Variants in SLC25A13 observed in about 807,000 individuals in gnomAD.
The protein encoded by SLC25A13 is solute carrier family 25 member 13.
A neutral mutation model predicts 85.5 loss-of-function variants in SLC25A13; 70 were observed. The ratio of observed to expected loss-of-function variants is 0.82; its 90% CI spans 0.68 to 1.00. SLC25A13 has a LOEUF of 1.00. Among genes scored for constraint, SLC25A13 ranks in the 50% least tolerant of loss-of-function variants. SLC25A13 has a pLI of 0.00. For synonymous variants in SLC25A13, 259 were observed against 288.7 expected, an observed-to-expected ratio of 0.90 and a Z score of 1.04; for missense variants, 765 against 819.8, an observed-to-expected ratio of 0.93 and a Z score of 0.82.
At chr7:96,254,546 C>G (rs774087974) in intron 3 of SLC25A13, among the ~76,000 whole-genome samples, 2 of 152,144 alleles carry the variant, frequency 1.3e-5, no homozygotes, top group Non-Finnish European at 2.9e-5. Flanking sequence ...ATTTGTCTCT[C>G]TTTATATAAA....
intron 3 of SLC25A13, among the ~76,000 whole-genome samples, chr7:96,267,385 A>T (rs1382572810): frequency 6.6e-6 from 1 of 152,228 alleles, no homozygotes; most frequent in Non-Finnish European, 1.5e-5. Flanking sequence ...GGCAGAGAAC[A>T]TGCTTTATTT....
intron 4 of SLC25A13, among the ~76,000 whole-genome samples, chr7:96,217,694 A>G (rs1417141936): frequency 3.3e-5 from 5 of 152,220 alleles, no homozygotes; most frequent in African/African-American, 1.2e-4. Context: ...CATATACACA[A>G]AAAGTAGATT....
intron 2 of SLC25A13, among the ~76,000 whole-genome samples, chr7:96,284,398 C>T (rs1471237492): frequency 6.6e-6 from 1 of 152,096 alleles, no homozygotes; most frequent in African/African-American, 2.4e-5. Flanking sequence ...TCAAAATTTG[C>T]CTACAGACAT....
At chr7:96,286,821 G>C (rs1024105764) in intron 2 of SLC25A13, among the ~76,000 whole-genome samples, 11 of 152,122 alleles carry the variant, frequency 7.2e-5, no homozygotes, top group African/African-American at 2.4e-4. Flanking sequence ...TAATCCCCTA[G>C]GAGCCCTCTT....
At position 96,223,218 on chromosome 7, in the gene SLC25A13, A is replaced by G. The variant is rs1420852236; in HGVS notation, c.328+11584T>C. Among the ~76,000 whole-genome samples, 3 of 152,218 alleles carry G rather than the reference A, an allele frequency of 2.0e-5. No individual in the cohort carries two copies. The East Asian group carries it at 5.8e-4, about 29-fold the overall frequency. ...GTTTAATTAAAAACTGCAGAACATA[A>G]ACATGCACACACCATCATTACCACC... On this transcript the variant is annotated intron_variant, in intron 4 of 17. Transcript: ENST00000265631.
chr7:96,296,330 G>A (rs985434990), intron 2 of SLC25A13, among the ~76,000 whole-genome samples: 1 of 151,928 alleles, frequency 6.6e-6, no homozygotes, highest in Admixed American at 6.6e-5. Context: ...TTGCAAAACT[G>A]AATACTCCAG....
chr7:96,298,876 G>A lies in SLC25A13; in HGVS notation c.16-1925C>T, dbSNP rs79681899. 2.1e-3 allele frequency among the ~76,000 whole-genome samples: 319 copies of A among 150,960 alleles called. 4 individuals carry two copies. The East Asian group carries it at 0.037, about 17-fold the overall frequency. The stretch of plus-strand genomic sequence containing the variant: ...TTCAGAGAGGACTCCCTCCTCTCAG[G>A]TCTCTATTCTGAGAAAGGTAGGGTA... On this transcript the variant is annotated intron_variant, in intron 1 of 17. Transcript: ENST00000265631.
chr7:96,189,792 G>A (rs1423436786), intron 7 of SLC25A13, 118 bp from the exon 8 acceptor site: 9 of 888,390 alleles, frequency 1.0e-5, no homozygotes, highest in Admixed American at 7.2e-5. Context: ...ATCATCAGTT[G>A]TAGAATTCAA....
intron 5 of SLC25A13, among the ~76,000 whole-genome samples, chr7:96,200,784 T>A (rs1795227083): frequency 6.6e-6 from 1 of 152,062 alleles, no homozygotes; most frequent in South Asian, 2.1e-4. Flanking sequence ...CTGTATAGAG[T>A]GTTCATTTTT....
chr7:96,223,036 C>A lies in SLC25A13; in HGVS notation c.328+11766G>T, dbSNP rs552445107. On this transcript the variant is annotated intron_variant, in intron 4 of 17. Transcript: ENST00000265631. ...AAAAGCAGCTTTTATCTTTAAAGGG[C>A]AGCTCACTGACCTCTGTGAGATTTG... Among the ~76,000 whole-genome samples, 5 of 152,140 alleles carry A rather than the reference C, an allele frequency of 3.3e-5. No homozygotes were observed. In the South Asian group the frequency reaches 1.0e-3, roughly 32 times the overall value.
intron 2 of SLC25A13, among the ~76,000 whole-genome samples, chr7:96,284,096 T>C (rs1460603576): frequency 8.2e-5 from 7 of 85,732 alleles, no homozygotes; most frequent in Non-Finnish European, 2.6e-5. Context: ...AACAAAATAA[T>C]TTACAAAAAT....
At chr7:96,287,542 T>C (rs1341898608) in intron 2 of SLC25A13, among the ~76,000 whole-genome samples, 4 of 152,184 alleles carry the variant, frequency 2.6e-5, no homozygotes. Context: ...TCAATTAGAC[T>C]CTCCCCCAGT....
intron 3 of SLC25A13, among the ~76,000 whole-genome samples, chr7:96,275,238 G>A (rs1252675746): frequency 6.6e-6 from 1 of 152,168 alleles, no homozygotes; most frequent in Non-Finnish European, 1.5e-5. Flanking sequence ...GGAAACAACA[G>A]GTGCTGGAGA....
At chr7:96,249,879 CA>C (rs11368398) in intron 3 of SLC25A13, among the ~76,000 whole-genome samples, 2,102 of 111,576 alleles carry the variant, frequency 0.019, 47 homozygotes, top group African/African-American at 0.069. Flanking sequence ...CTTAACTTAG[CA>C]AAAAAAAAAA....
At chr7:96,267,690 T>C (rs1046754309) in intron 3 of SLC25A13, among the ~76,000 whole-genome samples, 1 of 151,406 alleles carries the variant, frequency 6.6e-6, no homozygotes, top group Non-Finnish European at 1.5e-5. Context: ...GGTGCATGCC[T>C]ATAATCGCAG....
intron 10 of SLC25A13, chr7:96,184,675 AC>A: frequency 1.6e-6 from 1 of 629,210 alleles, no homozygotes. Context: ...CTACAGCCCA[AC>A]CTCATTAGTA....
intron 13 of SLC25A13, among the ~76,000 whole-genome samples, chr7:96,165,307 G>A (rs551436723): frequency 6.6e-6 from 1 of 152,228 alleles, no homozygotes; most frequent in South Asian, 2.1e-4. Context: ...GCTGGCAGTG[G>A]GGAGGGTTAA....
chr7:96,170,169 A>C, intron 12 of SLC25A13, 44 bp from the exon 13 acceptor site: 2 of 1,545,030 alleles, frequency 1.3e-6, no homozygotes, highest in South Asian at 1.1e-5. Context: ...AATATAAAGA[A>C]AGTCATTAAA....
chr7:96,136,279 C>A (rs1336292726), intron 14 of SLC25A13, among the ~76,000 whole-genome samples: 1 of 152,180 alleles, frequency 6.6e-6, no homozygotes, highest in Non-Finnish European at 1.5e-5. Flanking sequence ...ATTAGATAGG[C>A]TTAGAGATTC....
Sources: gnomAD v4.1 joint callset for allele counts (sites outside exome capture counted in the v4.1 genomes callset) on GRCh38, gnomAD v4.1.1 for gene constraint, MANE v1.5 for transcripts, NCBI Gene and HGNC (gene_info 2026-07-23, HGNC 2026-07-21) for gene names.